The following KLHL11 variants were observed in gnomAD, a reference collection of about 807,000 sequenced individuals.
The protein encoded by KLHL11 is kelch like family member 11, also known as kelch-like protein 11.
A neutral mutation model predicts 56.1 loss-of-function variants in KLHL11; 26 were observed. The ratio of observed to expected loss-of-function variants is 0.46; its 90% CI spans 0.34 to 0.64. The LOEUF (loss-of-function observed/expected upper bound fraction) is 0.64. Among genes scored for constraint, KLHL11 ranks in the 30% least tolerant of loss-of-function variants. KLHL11 has a pLI of 0.01. For synonymous variants in KLHL11, 338 were observed against 345.8 expected, an observed-to-expected ratio of 0.98 and a Z score of 0.25; for missense variants, 627 against 919.4, an observed-to-expected ratio of 0.68 and a Z score of 4.11.
chr17:41,860,573 C>T (rs2048396662), intron 1 of KLHL11, among the ~76,000 whole-genome samples: 1 of 152,074 alleles, frequency 6.6e-6, no homozygotes, highest in African/African-American at 2.4e-5. Context: ...TCCTCTAACT[C>T]CCCAATAGAG....
intron 1 of KLHL11, among the ~76,000 whole-genome samples, chr17:41,860,550 G>A (rs2048396495): frequency 6.6e-6 from 1 of 152,108 alleles, no homozygotes; most frequent in Non-Finnish European, 1.5e-5. Context: ...AATGCCCAGA[G>A]TATCGTCTCC....
Position 41,855,221 on chromosome 17 carries a change from T to G in KLHL11, c.646A>C (p.Thr216Pro). The G allele has an allele frequency of 6.2e-7, 1 of 1,613,968 alleles. No homozygotes were observed. The highest frequency in any genetic ancestry group is 8.5e-7 in the Non-Finnish European group (1 of 1,179,960). Residue 216 changes from threonine to proline, a missense_variant, in exon 2 of 2, where the codon ACC (threonine) becomes CCC (proline). By Grantham distance (38) the Thr-to-Pro change is conservative (BLOSUM62 -1). Coordinates refer to ENST00000319121, the MANE Select transcript of KLHL11 (RefSeq NM_018143.3). ...GCCTTCAGAGCAAGTTGGCTCAGGG[T>G]GTACATGTGTGCTAAGCTATGAATT... is the stretch of plus-strand genomic sequence containing the variant. ...VAIHSLAHMY[T>P]LSQLALKAAD...
At chr17:41,855,409 C>CAAAAA in intron 1 of KLHL11, 88 bp from the exon 2 acceptor site, 5 of 952,786 alleles carry the variant, frequency 5.2e-6, no homozygotes, top group Non-Finnish European at 7.6e-6. Flanking sequence ...GACAGGGTCT[C>CAAAAA]ACTCTGCCAC....
chr17:41,858,582 G>A (rs1488851086), intron 1 of KLHL11, among the ~76,000 whole-genome samples: 2 of 151,786 alleles, frequency 1.3e-5, no homozygotes, highest in African/African-American at 4.8e-5. Context: ...ATAGGCACCT[G>A]CCACCACACC....
At chr17:41,859,270 C>T (rs1433568690) in intron 1 of KLHL11, among the ~76,000 whole-genome samples, 4 of 151,874 alleles carry the variant, frequency 2.6e-5, no homozygotes, top group South Asian at 2.1e-4. Context: ...TAGGGTTGGG[C>T]GCAGTGGTTC....
intron 1 of KLHL11, among the ~76,000 whole-genome samples, chr17:41,858,218 CTTTTTT>C (rs1174225045): frequency 3.4e-4 from 40 of 116,394 alleles, no homozygotes; most frequent in Non-Finnish European, 5.2e-4. Context: ...TCACCAGCCT[CTTTTTT>C]TTTTTTTTTT....
intron 1 of KLHL11, among the ~76,000 whole-genome samples, chr17:41,864,615 T>C (rs2048425254): frequency 6.6e-6 from 1 of 152,266 alleles, no homozygotes; most frequent in African/African-American, 2.4e-5. Context: ...TCTGAGCTCC[T>C]TGGGCGCGGG....
Position 41,856,114 on chromosome 17 carries a change from C to T in KLHL11, c.546-793G>A, listed in dbSNP as rs539363013. ...CATGCAATTCTCCTTCCTCAGCCTCCCAAGTAGCTGGGATTACAGGCGTGT... is the reference window on the plus strand; with the variant it reads ...CATGCAATTCTCCTTCCTCAGCCTCTCAAGTAGCTGGGATTACAGGCGTGT... On this transcript the variant is annotated intron_variant, in intron 1 of 1. Coordinates refer to ENST00000319121, the MANE Select transcript of KLHL11 (RefSeq NM_018143.3). Among the ~76,000 whole-genome samples, 197 of 152,074 alleles carry T rather than the reference C, an allele frequency of 1.3e-3. No individual in the cohort carries two copies. The Middle Eastern group carries it at 0.017, about 13-fold the overall frequency.
Position 41,865,303 on chromosome 17 carries a change from A to G in KLHL11, c.68T>C (p.Met23Thr). The change falls in exon 1 of 2, where the codon ATG becomes ACG. Residue 23 changes from methionine (M) to threonine (T), a missense_variant. Physicochemically the swap from Met to Thr is moderately conservative, Grantham distance 81 (BLOSUM62 -1). Coordinates refer to ENST00000319121, the MANE Select transcript of KLHL11 (RefSeq NM_018143.3). The part of the protein sequence containing the change: ...AAAASLQVLE[M>T]ESMETAAAGS... ...GGCGGCGGCCGTCTCCATGCTCTCC[A>G]TCTCCAGTACCTGAAGAGATGCAGC... The G allele has an allele frequency of 6.4e-7, 1 of 1,558,076 alleles. No individual in the cohort carries two copies. The highest frequency in any genetic ancestry group is 8.6e-7 in the Non-Finnish European group (1 of 1,162,464).
At chr17:41,858,425 TG>T (rs2048381593) in intron 1 of KLHL11, among the ~76,000 whole-genome samples, 1 of 85,794 alleles carries the variant, frequency 1.2e-5, no homozygotes, top group African/African-American at 4.3e-5. Flanking sequence ...TTGTTGTTGT[TG>T]TTGTTGTTGT....
Position 41,855,101 on chromosome 17 carries a change from A to C in KLHL11, c.766T>G (p.Leu256Val), listed in dbSNP as rs1555622396. Residue 256 changes from leucine (L) to valine (V), a missense_variant, in exon 2 of 2, where the codon TTG becomes GTG. By Grantham distance (32) the Leu-to-Val change is conservative. Coordinates refer to ENST00000319121, the MANE Select transcript of KLHL11 (RefSeq NM_018143.3). ...TCTTCAGAATCAACTGTAATTTCCA[A>C]ATCTGAAAGCCAGTCTCTAATGAGA... ...FHLIRDWLSDLEITVDSEEVL... is the reference protein window; with the variant it reads ...FHLIRDWLSDVEITVDSEEVL... 2 of 1,614,170 alleles carry C rather than the reference A, an allele frequency of 1.2e-6. No homozygotes were observed. Among genetic ancestry groups the C allele is most frequent in the Admixed American group, 3.3e-5 (2 of 60,018 alleles).
At chr17:41,857,961 C>T (rs576188414) in intron 1 of KLHL11, among the ~76,000 whole-genome samples, 2 of 152,172 alleles carry the variant, frequency 1.3e-5, no homozygotes, top group African/African-American at 4.8e-5. Context: ...GGATTACAGG[C>T]GCGCGCCACC....
chr17:41,863,289 C>T (rs1178539908), intron 1 of KLHL11, among the ~76,000 whole-genome samples: 2 of 151,836 alleles, frequency 1.3e-5, no homozygotes, highest in East Asian at 3.9e-4. Context: ...CTCCCACCTC[C>T]CAGGCTCAAG....
At position 41,854,269 on chromosome 17, in the gene KLHL11, T is replaced by C; in HGVS notation, c.1598A>G (p.Gln533Arg). The C allele has an allele frequency of 6.2e-7, 1 of 1,614,242 alleles. No individual in the cohort carries two copies. ...VITCYDTETR[Q>R]WQDVESLPLI... The stretch of plus-strand genomic sequence containing the variant: ...CGGCAAAGATTCCACATCTTGCCAC[T>C]GTCGAGTCTCTGTATCATAGCAAGT... The change falls in exon 2 of 2, where the codon CAG (glutamine) becomes CGG (arginine). Residue 533 changes from glutamine (Q) to arginine (R), a missense_variant. Physicochemically the swap from Gln to Arg is conservative, Grantham distance 43. Around this residue, in one of 4 missense-constraint regions of KLHL11, gnomAD observed 250 missense variants for 360.6 expected, o/e 0.69. Transcript: ENST00000319121. The surrounding 1 kb of genome is among the most constrained non-coding windows in gnomAD (Gnocchi z 4.9).
intron 1 of KLHL11, 69 bp downstream of exon 1, chr17:41,864,757 C>A (rs2048426426): frequency 1.4e-6 from 2 of 1,416,068 alleles, no homozygotes; most frequent in South Asian, 2.9e-5. Context: ...CACTGCCCTC[C>A]CCTCCGCCAG....
At position 41,855,307 on chromosome 17, in the gene KLHL11, C is replaced by T. The variant is rs782172538; in HGVS notation, c.560G>A (p.Arg187His). 30 of 1,570,318 alleles carry T rather than the reference C, an allele frequency of 1.9e-5. No individual in the cohort carries two copies. In the East Asian group the frequency reaches 2.9e-4, roughly 15 times the overall value. Reference sequence around the variant, plus strand: ...AAATTCTCCACAAAATTCTTTTAAACGAATGAGTAGGAACCTAAAATCAAG... The same window carrying T: ...AAATTCTCCACAAAATTCTTTTAAATGAATGAGTAGGAACCTAAAATCAAG... ...LELADRFLLI[R>H]LKEFCGEFLK... Residue 187 changes from arginine to histidine, a missense_variant, in exon 2 of 2, where the codon CGT becomes CAT. By Grantham distance (29) the Arg-to-His change is conservative. Transcript: ENST00000319121.
Position 41,864,866 on chromosome 17 carries a change from T to G in KLHL11, c.505A>C (p.Ser169Arg). ...AGCACCTCGTGCACGCTGCCCGTGC[T>G]GACGCGGATGCGCCCGGTGTACATG... The part of the protein sequence containing the change: ...EYMYTGRIRV[S>R]TGSVHEVLEL... Residue 169 changes from serine to arginine, a missense_variant, in exon 1 of 2, where the codon AGC becomes CGC. Physicochemically the swap from Ser to Arg is moderately radical, Grantham distance 110. Around this residue, in one of 4 missense-constraint regions of KLHL11, gnomAD observed 150 missense variants for 215.7 expected, o/e 0.70. Coordinates refer to ENST00000319121, the MANE Select transcript of KLHL11 (RefSeq NM_018143.3). 1 of 1,571,312 alleles carries G rather than the reference T, an allele frequency of 6.4e-7. No homozygotes were observed. Among genetic ancestry groups the G allele is most frequent in the Non-Finnish European group, 8.6e-7 (1 of 1,156,182 alleles).
rs782558528 is a variant in KLHL11 at position 41,865,251 on chromosome 17, G to A, written c.120C>T (p.Val40=). The change falls in exon 1 of 2, where the codon GTC becomes GTT. Residue 40 remains valine (V), a synonymous_variant. Coordinates refer to ENST00000319121, the MANE Select transcript of KLHL11 (RefSeq NM_018143.3). ...AAGSAGLAAE[V]RGSGTVDFGP... ...CGAAGTCCACCGTGCCGCTGCCTCG[G>A]ACCTCGGCGGCCAGTCCTGCCGAGC... is the stretch of plus-strand genomic sequence containing the variant. 3.8e-6 allele frequency: 6 copies of A among 1,587,996 alleles called. No homozygotes were observed. Among genetic ancestry groups the A allele is most frequent in the Non-Finnish European group, 3.4e-6 (4 of 1,171,072 alleles).
intron 1 of KLHL11, among the ~76,000 whole-genome samples, chr17:41,863,493 G>A (rs1555623257): frequency 6.6e-6 from 1 of 152,050 alleles, no homozygotes; most frequent in Admixed American, 6.6e-5. Flanking sequence ...ACCGCGCCTG[G>A]CCGCCACATC....
Sources: gnomAD v4.1 joint callset for allele counts (sites outside exome capture counted in the v4.1 genomes callset) on GRCh38, gnomAD v4.1.1 for gene constraint, gnomAD v4.1.1 regional missense constraint, Gnocchi (gnomAD v3.1) non-coding constraint, MANE v1.5 for transcripts, NCBI Gene and HGNC (gene_info 2026-07-23, HGNC 2026-07-21) for gene names.